Variants in FAAP100 observed in about 807,000 individuals in gnomAD.
The protein encoded by FAAP100 is Fanconi anemia core complex-associated protein 100.
A neutral mutation model predicts 65.8 loss-of-function variants in FAAP100; 46 were observed. The ratio of observed to expected loss-of-function variants is 0.70; its 90% CI spans 0.55 to 0.89. The LOEUF (loss-of-function observed/expected upper bound fraction) is 0.89. Ranked by LOEUF, FAAP100 falls within the 40% of genes least tolerant of loss-of-function variation. FAAP100 has a pLI of 0.00. For synonymous variants in FAAP100, 663 were observed against 555.1 expected, an observed-to-expected ratio of 1.19 and a Z score of -2.73; for missense variants, 1,165 against 1,196.7, an observed-to-expected ratio of 0.97 and a Z score of 0.39.
At position 81,547,655 on chromosome 17, in the gene FAAP100, A is replaced by T. The variant is rs978463765; in HGVS notation, c.1427T>A (p.Val476Asp). Residue 476 changes from valine (V) to aspartate (D), a missense_variant, in exon 5 of 9, where the codon GTT (valine) becomes GAT (aspartate). Physicochemically the swap from Val to Asp is radical, Grantham distance 152. Coordinates refer to ENST00000327787, the MANE Select transcript of FAAP100 (RefSeq NM_025161.6). The part of the protein sequence containing the change: ...SERVSFLKKA[V>D]DQRNKALTSL... Reference sequence around the variant, plus strand: ...TGTCAGTGCCTTGTTCCGCTGGTCAACCGCCTTCTTTAGAAAAGACACTCT... The same window carrying T: ...TGTCAGTGCCTTGTTCCGCTGGTCATCCGCCTTCTTTAGAAAAGACACTCT... 2 of 1,610,584 alleles carry T rather than the reference A, an allele frequency of 1.2e-6. No individual in the cohort carries two copies. Among genetic ancestry groups the T allele is most frequent in the Admixed American group, 1.7e-5 (1 of 59,982 alleles).
rs2033050876 is a variant in FAAP100, at chr17:81,540,579, G to C, written c.*240C>G. The C allele has an allele frequency of 2.1e-6, 1 of 484,942 alleles. No individual in the cohort carries two copies. The highest frequency in any genetic ancestry group is 4.8e-5 in the South Asian group (1 of 20,898). 30.0% of individuals were successfully genotyped at this position (484,942 alleles called of 1,614,324 possible). Reference sequence around the variant, plus strand: ...GGTCAGAGAAGGAGAGACACCAGCAGAGGACGCGAAGCTGGACCGGCCAGG... The same window carrying C: ...GGTCAGAGAAGGAGAGACACCAGCACAGGACGCGAAGCTGGACCGGCCAGG... On this transcript the variant is annotated 3_prime_UTR_variant, in exon 9 of 9. Coordinates refer to ENST00000327787, the MANE Select transcript of FAAP100 (RefSeq NM_025161.6).
chr17:81,549,621 C>T (rs906556131), intron 3 of FAAP100, among the ~76,000 whole-genome samples: 2 of 152,222 alleles, frequency 1.3e-5, no homozygotes, highest in Non-Finnish European at 2.9e-5. Flanking sequence ...CCTTCAAAGC[C>T]CTTCTCTCCT....
intron 2 of FAAP100, chr17:81,551,704 T>C: frequency 7.5e-7 from 1 of 1,327,450 alleles, no homozygotes; most frequent in Non-Finnish European, 9.6e-7. Context: ...CGCCCCGCCG[T>C]GGGCTTAACC....
chr17:81,548,565 C>A (rs1381973409), intron 4 of FAAP100: 1 of 153,602 alleles, frequency 6.5e-6, no homozygotes, highest in Non-Finnish European at 1.4e-5. Context: ...ATGGTGAAAT[C>A]CCATCTCTAC....
At position 81,547,026 on chromosome 17, in the gene FAAP100, G is replaced by A; in HGVS notation, c.2056C>T (p.Pro686Ser). The change falls in exon 5 of 9, where the codon CCT becomes TCT. Residue 686 changes from proline (P) to serine (S), a missense_variant. Coordinates refer to ENST00000327787, the MANE Select transcript of FAAP100 (RefSeq NM_025161.6). ...VATFLETCRE[P>S]GSQPAGPASL... The stretch of plus-strand genomic sequence containing the variant: ...GCGGGTCCTGCTGGCTGGCTGCCAG[G>A]CTCCCGACAAGTTTCCAGAAAAGTG... 6.5e-7 allele frequency: 1 copy of A among 1,548,610 alleles called. No homozygotes were observed. The highest frequency in any genetic ancestry group is 1.2e-5 in the South Asian group (1 of 83,128).
At chr17:81,546,366 G>A (rs1326999153) in intron 5 of FAAP100, 1 of 163,456 alleles carries the variant, frequency 6.1e-6, no homozygotes, top group Non-Finnish European at 1.3e-5. Context: ...ACAAAGAAGG[G>A]ACTGCACACT....
chr17:81,549,406 G>A (rs1382520879), intron 3 of FAAP100, 44 bp from the exon 4 acceptor site: 1 of 1,572,076 alleles, frequency 6.4e-7, no homozygotes. Context: ...GCTGGGAGGG[G>A]CAAGCAGCAT....
In FAAP100 at chr17:81,546,945, C is replaced by A; in HGVS notation, c.2137G>T (p.Glu713Ter). The change falls in exon 5 of 9, where the codon GAG becomes TAG. Residue 713 changes from glutamate (E) to a stop codon, truncating the protein, a stop_gained. Coordinates refer to ENST00000327787, the MANE Select transcript of FAAP100 (RefSeq NM_025161.6). LOFTEE classifies it high-confidence loss of function. The stretch of plus-strand genomic sequence containing the variant: ...TCCTTCAAGGCAGCTCTGAGCAGCT[C>A]CGCCGACACCTTGATGGAAGCCACA... ...PSVASIKVSA[E>*]LLRAALKDGH... 6.9e-7 allele frequency: 1 copy of A among 1,457,074 alleles called. No homozygotes were observed. 90.3% of individuals were successfully genotyped at this position (1,457,074 alleles called of 1,614,324 possible).
At chr17:81,546,703 C>T (rs1380793581) in intron 5 of FAAP100, among the ~76,000 whole-genome samples, 5 of 151,936 alleles carry the variant, frequency 3.3e-5, no homozygotes, top group East Asian at 3.9e-4. Context: ...TCCACAGGCC[C>T]GAGGTGGGTG....
At chr17:81,543,674 A>G (rs1461312940) in intron 7 of FAAP100, among the ~76,000 whole-genome samples, 1 of 152,094 alleles carries the variant, frequency 6.6e-6, no homozygotes, top group Non-Finnish European at 1.5e-5. Context: ...CCAGCCAGAG[A>G]AGGGAGGAAA....
chr17:81,551,710 TA>T (rs1286751541), intron 2 of FAAP100: 1 of 1,334,120 alleles, frequency 7.5e-7, no homozygotes, highest in Non-Finnish European at 9.5e-7. Context: ...GCCGTGGGCT[TA>T]ACCATGTGAA....
At chr17:81,551,900 G>C in intron 2 of FAAP100, 28 bp downstream of exon 2, 2 of 1,530,948 alleles carry the variant, frequency 1.3e-6, no homozygotes, top group Non-Finnish European at 8.7e-7. Flanking sequence ...AGGAGTGTGC[G>C]GGAGGGAGGC....
chr17:81,540,729 C>G lies in FAAP100; in HGVS notation c.*90G>C. On this transcript the variant is annotated 3_prime_UTR_variant, in exon 9 of 9. Transcript: ENST00000327787. ...ACCTTCCCTGACGGCTCTGGCCAGG[C>G]CAGCTCGGTTTCCCTCTAACCCATG... 1 of 1,403,904 alleles carries G rather than the reference C, an allele frequency of 7.1e-7. No individual in the cohort carries two copies. Among genetic ancestry groups the G allele is most frequent in the Non-Finnish European group, 9.3e-7 (1 of 1,077,292 alleles). 87.0% of individuals were successfully genotyped at this position (1,403,904 alleles called of 1,614,324 possible).
rs1157407171 is a variant in FAAP100, at chr17:81,542,166, C to CAAAAA, written c.2428-776_2428-772dup. Among the ~76,000 whole-genome samples, 18 of 63,720 alleles carry CAAAAA rather than the reference C, an allele frequency of 2.8e-4. 1 individual carries two copies. Among genetic ancestry groups the CAAAAA allele is most frequent in the African/African-American group, 3.4e-4 (4 of 11,642 alleles). The allele number at this position is 63,720 out of a possible 152,430, so 41.8% of individuals were successfully genotyped here. ...TGGGCGACAGAGTGAGACTCCGTCT[C>CAAAAA]AAAAAAAAAAAAAAAAAAAAAAAAA... On this transcript the variant is annotated intron_variant, in intron 7 of 8. Transcript: ENST00000327787.
chr17:81,545,048 T>C (rs1397747294), intron 6 of FAAP100, among the ~76,000 whole-genome samples: 1 of 152,214 alleles, frequency 6.6e-6, no homozygotes, highest in Admixed American at 6.5e-5. Flanking sequence ...TGGGTGCCTG[T>C]AATCCCAGCT....
intron 7 of FAAP100, among the ~76,000 whole-genome samples, chr17:81,542,798 T>A (rs2033163596): frequency 6.6e-6 from 1 of 152,208 alleles, no homozygotes; most frequent in Non-Finnish European, 1.5e-5. Context: ...TGTGTCCTTG[T>A]AAGAAAAGGG....
rs1421382997 is a variant in FAAP100, at chr17:81,547,350, G to T, written c.1732C>A (p.Arg578=). Residue 578 remains arginine, a synonymous_variant, in exon 5 of 9, where the codon CGG becomes AGG. Coordinates refer to ENST00000327787, the MANE Select transcript of FAAP100 (RefSeq NM_025161.6). Reference sequence around the variant, plus strand: ...GGGCCCAGGGGTAGCGTCACCTCCCGCCGAGCACCGGGGCCGAGCTGGTCC... The same window carrying T: ...GGGCCCAGGGGTAGCGTCACCTCCCTCCGAGCACCGGGGCCGAGCTGGTCC... The part of the protein sequence containing the change: ...PVDQLGPGAR[R]EVTLPLGPGE... 6.2e-7 allele frequency: 1 copy of T among 1,612,630 alleles called. No individual in the cohort carries two copies. The highest frequency in any genetic ancestry group is 8.5e-7 in the Non-Finnish European group (1 of 1,179,926).
intron 1 of FAAP100, 35 bp downstream of exon 1, chr17:81,552,131 C>G: frequency 6.8e-7 from 1 of 1,480,400 alleles, no homozygotes; most frequent in Non-Finnish European, 8.9e-7. Flanking sequence ...GCCGCCCCCG[C>G]CCGGTCCCTC....
chr17:81,550,108 T>TAACC lies in FAAP100; in HGVS notation c.1246+136_1246+139dup. 4.9e-6 allele frequency: 4 copies of TAACC among 824,234 alleles called. No homozygotes were observed. The South Asian group carries it at 7.2e-5, about 15-fold the overall frequency. 51.1% of individuals were successfully genotyped at this position (824,234 alleles called of 1,614,324 possible). On this transcript the variant is annotated intron_variant, in intron 3 of 8. Transcript: ENST00000327787. The stretch of plus-strand genomic sequence containing the variant: ...TGGCTTGACCTTGAGACAAGAGAGT[T>TAACC]AACCACTAGGCTGTATCAGCACCCG...
Sources: gnomAD v4.1 joint callset for allele counts (sites outside exome capture counted in the v4.1 genomes callset) on GRCh38, gnomAD v4.1.1 for gene constraint, MANE v1.5 for transcripts, NCBI Gene and HGNC (gene_info 2026-07-23, HGNC 2026-07-21) for gene names.